Variants in FHIT observed in about 807,000 individuals in gnomAD.
FHIT encodes the protein fragile histidine triad diadenosine triphosphatase.
FHIT carries 19 observed loss-of-function variants against 17.9 expected under a neutral mutation model. The observed-to-expected ratio is 1.06, with a 90% CI of 0.74 to 1.56. FHIT has a LOEUF of 1.56. Among genes scored for constraint, FHIT ranks in the 40% most tolerant of loss-of-function variants. The pLI, the probability that FHIT is intolerant of heterozygous loss-of-function variation, is 0.00. For synonymous variants in FHIT, 81 were observed against 69.7 expected (o/e 1.16, Z -0.81); for missense variants, 248 against 189.2 (o/e 1.31, Z -1.82).
At chr3:60,792,698 G>C (rs1339107800) in intron 4 of FHIT, among the ~76,000 whole-genome samples, 1 of 152,198 alleles carries the variant, frequency 6.6e-6, no homozygotes, top group Admixed American at 6.5e-5. Context: ...TATGAGCAAA[G>C]TGCTTTTTGG....
At chr3:60,594,230 C>G (rs1553665412) in intron 4 of FHIT, among the ~76,000 whole-genome samples, 1 of 151,910 alleles carries the variant, frequency 6.6e-6, no homozygotes, top group Non-Finnish European at 1.5e-5. Context: ...TGTTGTAACT[C>G]AAATCTGGCC....
At chr3:59,760,826 G>A (rs1418032503) in intron 8 of FHIT, among the ~76,000 whole-genome samples, 2 of 141,104 alleles carry the variant, frequency 1.4e-5, no homozygotes, top group African/African-American at 3.0e-5. Flanking sequence ...CCACCATTTA[G>A]AGGTAATTTT....
intron 8 of FHIT, among the ~76,000 whole-genome samples, chr3:59,799,081 T>C (rs900782801): frequency 2.7e-5 from 4 of 145,780 alleles, no homozygotes; most frequent in Non-Finnish European, 4.5e-5. Flanking sequence ...TGGAAGATTC[T>C]AGAAACACTA....
chr3:60,032,022 G>C (rs757841194), intron 5 of FHIT, among the ~76,000 whole-genome samples: 5 of 152,040 alleles, frequency 3.3e-5, no homozygotes, highest in Non-Finnish European at 5.9e-5. Flanking sequence ...ATTTATTCTA[G>C]AAGTACTTAT....
intron 5 of FHIT, among the ~76,000 whole-genome samples, chr3:60,456,045 AAG>A (rs1275885799): frequency 2.6e-5 from 4 of 152,150 alleles, no homozygotes; most frequent in Admixed American, 6.5e-5. Flanking sequence ...CACGTTCATG[AAG>A]ACACTGCCAG....
At chr3:60,456,026 TG>T (rs2032068065) in intron 5 of FHIT, among the ~76,000 whole-genome samples, 1 of 152,128 alleles carries the variant, frequency 6.6e-6, no homozygotes, top group Admixed American at 6.6e-5. Flanking sequence ...ATCCAAAAGA[TG>T]GCCAATCCAC....
intron 3 of FHIT, among the ~76,000 whole-genome samples, chr3:60,964,396 T>C (rs1414332393): frequency 5.9e-5 from 9 of 152,270 alleles, no homozygotes; most frequent in African/African-American, 2.2e-4. Flanking sequence ...AATTTGCCAG[T>C]CTGTGTCTTT....
intron 5 of FHIT, among the ~76,000 whole-genome samples, chr3:60,525,344 A>C (rs1362097811): frequency 6.6e-6 from 1 of 152,226 alleles, no homozygotes; most frequent in Non-Finnish European, 1.5e-5. Context: ...AATTAAATTT[A>C]TCCCATAAAT....
intron 4 of FHIT, among the ~76,000 whole-genome samples, chr3:60,720,831 CAGT>C (rs199645461): frequency 6.6e-6 from 1 of 152,082 alleles, no homozygotes; most frequent in Non-Finnish European, 1.5e-5. Flanking sequence ...CAGAAAGGGG[CAGT>C]AATATGAATA....
intron 5 of FHIT, among the ~76,000 whole-genome samples, chr3:60,206,333 C>T (rs1703188693): frequency 6.6e-6 from 1 of 151,986 alleles, no homozygotes; most frequent in Non-Finnish European, 1.5e-5. Flanking sequence ...CCAACACACC[C>T]TATGTAAGTT....
chr3:60,404,874 G>A (rs774850949), intron 5 of FHIT, among the ~76,000 whole-genome samples: 3 of 152,074 alleles, frequency 2.0e-5, no homozygotes, highest in Non-Finnish European at 4.4e-5. Context: ...ATTCAGCAAG[G>A]GCAAGGAAGG....
chr3:59,808,590 A>G (rs1347193721), intron 8 of FHIT, among the ~76,000 whole-genome samples: 1 of 152,160 alleles, frequency 6.6e-6, no homozygotes, highest in Admixed American at 6.5e-5. Flanking sequence ...AATTTGCCTG[A>G]CACACTGCAG....
rs112510095 is a variant in FHIT at position 60,899,290 on chromosome 3, C to T, written c.-110-77279G>A. 4.7e-4 allele frequency among the ~76,000 whole-genome samples: 72 copies of T among 152,280 alleles called. 2 individuals carry two copies. Among genetic ancestry groups the T allele is most frequent in the Middle Eastern group, 3.4e-3 (1 of 294 alleles). On this transcript the variant is annotated intron_variant, in intron 3 of 9. Transcript: ENST00000492590. ...GCAATGTTTTCCTCGGAGTTGATCACATTTGCATATCTTTTTACACTTCCT... is the reference window on the plus strand; with the variant it reads ...GCAATGTTTTCCTCGGAGTTGATCATATTTGCATATCTTTTTACACTTCCT...
At chr3:60,093,813 G>T (rs1576083450) in intron 5 of FHIT, among the ~76,000 whole-genome samples, 1 of 152,198 alleles carries the variant, frequency 6.6e-6, no homozygotes, top group South Asian at 2.1e-4. Context: ...CCACCACCGG[G>T]TCTGTGGGAA....
At chr3:60,081,264 T>TC (rs1703270947) in intron 5 of FHIT, among the ~76,000 whole-genome samples, 2 of 152,102 alleles carry the variant, frequency 1.3e-5, no homozygotes, top group Non-Finnish European at 2.9e-5. Context: ...TATATACGTT[T>TC]TGGGGGGTGG....
intron 2 of FHIT, among the ~76,000 whole-genome samples, chr3:61,140,312 GA>G (rs1345746482): frequency 6.6e-6 from 1 of 151,914 alleles, no homozygotes; most frequent in African/African-American, 2.4e-5. Flanking sequence ...CAAATATAAG[GA>G]AAAAAATATA....
At chr3:60,682,342 A>T (rs2040770414) in intron 4 of FHIT, among the ~76,000 whole-genome samples, 1 of 152,176 alleles carries the variant, frequency 6.6e-6, no homozygotes, top group African/African-American at 2.4e-5. Flanking sequence ...TTTCCTAGCT[A>T]GAGAGGAGAA....
intron 5 of FHIT, among the ~76,000 whole-genome samples, chr3:60,399,886 T>C (rs1305524154): frequency 6.6e-6 from 1 of 152,162 alleles, no homozygotes; most frequent in African/African-American, 2.4e-5. Context: ...TGCCACCTAT[T>C]ACCAAACTTT....
At chr3:60,410,117 A>T (rs145783209) in intron 5 of FHIT, among the ~76,000 whole-genome samples, 2 of 152,344 alleles carry the variant, frequency 1.3e-5, no homozygotes, top group African/African-American at 4.8e-5. Context: ...AGCATAGGTA[A>T]AAGTTACAAA....
Sources: gnomAD v4.1 joint callset for allele counts (sites outside exome capture counted in the v4.1 genomes callset) on GRCh38, gnomAD v4.1.1 for gene constraint, MANE v1.5 for transcripts, NCBI Gene and HGNC (gene_info 2026-07-23, HGNC 2026-07-21) for gene names.